FKBP6: variants seen among roughly 807,000 people sequenced by gnomAD.
FKBP6 encodes the protein inactive peptidyl-prolyl cis-trans isomerase FKBP6.
A neutral mutation model predicts 41.7 loss-of-function variants in FKBP6; 29 were observed. That is an observed-to-expected ratio of 0.70 (90% confidence interval 0.52 to 0.95). FKBP6 has a LOEUF of 0.95. Ranked by LOEUF, FKBP6 falls within the 40% of genes least tolerant of loss-of-function variation. The probability of loss-of-function intolerance (pLI) is 0.00; values close to 1 mark genes in which losing one functional copy is unlikely to be tolerated. For synonymous variants in FKBP6, 130 were observed against 165.1 expected (o/e 0.79, Z 1.63); for missense variants, 338 against 408.7 (o/e 0.83, Z 1.49).
rs141308177 is a variant in FKBP6, at chr7:73,346,066, A to G, written c.*2+3167A>G. On this transcript the variant is annotated intron_variant, in intron 8 of 8. Transcript: ENST00000252037. ...CCAAGGCACACAGCAGAGATGAAAT[A>G]TGACATCCTATACTTAGCATCAAAA... Among the ~76,000 whole-genome samples, 78 of 152,294 alleles carry G rather than the reference A, an allele frequency of 5.1e-4. 1 individual carries two copies. Among genetic ancestry groups the G allele is most frequent in the Admixed American group, 4.1e-3 (63 of 15,294 alleles).
intron 5 of FKBP6, among the ~76,000 whole-genome samples, chr7:73,334,968 A>T (rs1251106789): frequency 6.6e-6 from 1 of 152,142 alleles, no homozygotes; most frequent in Non-Finnish European, 1.5e-5. Flanking sequence ...GAGTTCTAGC[A>T]GCAGAAGGGA....
chr7:73,356,965 G>T (rs1296394837), intron 8 of FKBP6, among the ~76,000 whole-genome samples: 1 of 152,072 alleles, frequency 6.6e-6, no homozygotes, highest in Non-Finnish European at 1.5e-5. Context: ...ATTTTTAGTA[G>T]AAACGAGGTT....
chr7:73,335,128 C>T (rs1804963101), intron 5 of FKBP6, among the ~76,000 whole-genome samples: 1 of 140,714 alleles, frequency 7.1e-6, no homozygotes, highest in East Asian at 2.0e-4. Flanking sequence ...GTACGTGTTC[C>T]TGGCCAAAAA....
At chr7:73,347,138 T>G (rs1401704458) in intron 8 of FKBP6, among the ~76,000 whole-genome samples, 1 of 152,236 alleles carries the variant, frequency 6.6e-6, no homozygotes, top group South Asian at 2.1e-4. Context: ...ATAACATTTT[T>G]CTTCTAGGTT....
chr7:73,338,269 G>C (rs1458807717), intron 5 of FKBP6, among the ~76,000 whole-genome samples: 2 of 152,032 alleles, frequency 1.3e-5, no homozygotes, highest in Non-Finnish European at 2.9e-5. Context: ...CAGATGATCC[G>C]CCCACCTCAG....
chr7:73,329,253 T>C (rs1804750456), intron 2 of FKBP6, 107 bp from the exon 3 acceptor site: 1 of 809,366 alleles, frequency 1.2e-6, no homozygotes, highest in Admixed American at 1.7e-5. Context: ...GTCGGGCAGC[T>C]TAAGCTCATC....
rs554819767 is a variant in FKBP6 at position 73,344,005 on chromosome 7, A to C, written c.*2+1106A>C. 2.6e-5 allele frequency among the ~76,000 whole-genome samples: 4 copies of C among 152,334 alleles called. No individual in the cohort carries two copies. In the East Asian group the frequency reaches 7.7e-4, roughly 29 times the overall value. On this transcript the variant is annotated intron_variant, in intron 8 of 8. Coordinates refer to ENST00000252037, the MANE Select transcript of FKBP6 (RefSeq NM_003602.5). ...ACTTTCAGATGCGCCCACCAGCATCACAGGTAAATGTTGCCTTCGTCACTG... is the reference window on the plus strand; with the variant it reads ...ACTTTCAGATGCGCCCACCAGCATCCCAGGTAAATGTTGCCTTCGTCACTG...
chr7:73,329,632 C>T (rs1290126072), intron 3 of FKBP6, 183 bp downstream of exon 3: 22 of 638,774 alleles, frequency 3.4e-5, no homozygotes, highest in African/African-American at 2.0e-4. Flanking sequence ...GATGGCTTAA[C>T]GGGCAAGGTA....
chr7:73,330,078 G>C (rs1804787467), intron 3 of FKBP6, 72 bp from the exon 4 acceptor site: 2 of 1,138,350 alleles, frequency 1.8e-6, no homozygotes, highest in Non-Finnish European at 2.7e-6. Flanking sequence ...CTGACTTAGA[G>C]GGGGAAGAAA....
intron 5 of FKBP6, among the ~76,000 whole-genome samples, chr7:73,337,683 AT>A (rs1200716782): frequency 2.0e-5 from 3 of 150,082 alleles, no homozygotes; most frequent in Non-Finnish European, 3.0e-5. Context: ...GCCTTCATCC[AT>A]TTTTTTTTGT....
At position 73,331,674 on chromosome 7, in the gene FKBP6, T is replaced by C; in HGVS notation, c.486T>C (p.Phe162=). 1 of 1,613,712 alleles carries C rather than the reference T, an allele frequency of 6.2e-7. No individual in the cohort carries two copies. The highest frequency in any genetic ancestry group is 8.5e-7 in the Non-Finnish European group (1 of 1,179,590). Residue 162 remains phenylalanine, a synonymous_variant, in exon 5 of 9, where the codon TTT becomes TTC. Transcript: ENST00000252037. ...CALSAEQQDQ[F]PLQKVLKVAA... ...GTCCTCAGGAGCAGCAAGACCAATTTCCACTTCAGAAGGTCCTGAAAGTGG... is the reference window on the plus strand; with the variant it reads ...GTCCTCAGGAGCAGCAAGACCAATTCCCACTTCAGAAGGTCCTGAAAGTGG...
rs1554549354 is a variant in FKBP6 at position 73,340,767 on chromosome 7, T to C, written c.718T>C (p.Cys240Arg). 2 of 1,613,718 alleles carry C rather than the reference T, an allele frequency of 1.2e-6. No individual in the cohort carries two copies. Among genetic ancestry groups the C allele is most frequent in the East Asian group, 2.2e-5 (1 of 44,864 alleles). ...LKLDRPTIAL[C>R]YGEQALIIDQ... ...GCTAGACCGACCCACCATAGCCCTGTGCTATGGAGAGCAGGCTTTGATCAT... is the reference window on the plus strand; with the variant it reads ...GCTAGACCGACCCACCATAGCCCTGCGCTATGGAGAGCAGGCTTTGATCAT... The change falls in exon 6 of 9, where the codon TGC (cysteine) becomes CGC (arginine). Residue 240 changes from cysteine to arginine, a missense_variant. Physicochemically the swap from Cys to Arg is radical, Grantham distance 180. This residue lies in a region of FKBP6 where 239 missense variants were observed against 250.1 expected (regional missense o/e 0.96). Coordinates refer to ENST00000252037, the MANE Select transcript of FKBP6 (RefSeq NM_003602.5).
intron 8 of FKBP6, among the ~76,000 whole-genome samples, chr7:73,354,344 A>T (rs1805569817): frequency 6.6e-6 from 1 of 152,216 alleles, no homozygotes; most frequent in South Asian, 2.1e-4. Flanking sequence ...GGGTGGCTGC[A>T]GGAAGTGCAG....
At chr7:73,351,363 C>T (rs1554551110) in intron 8 of FKBP6, among the ~76,000 whole-genome samples, 1 of 152,154 alleles carries the variant, frequency 6.6e-6, no homozygotes, top group African/African-American at 2.4e-5. Context: ...CTTTCCTTCC[C>T]TATGCCTCTA....
Position 73,330,152 on chromosome 7 carries a change from A to G in FKBP6, c.268A>G (p.Ile90Val). ...ACCTTCTTTGTCCATTCTTACAGAT[A>G]TTACACTGTGGGGCATGGAGCTGGG... ...TPRLMKLGED[I>V]TLWGMELGLL... The change falls in exon 4 of 9, where the codon ATT (isoleucine) becomes GTT (valine). Residue 90 changes from isoleucine (I) to valine (V), a missense_variant and splice_region_variant. This residue lies in a region of FKBP6 where 99 missense variants were observed against 158.6 expected (regional missense o/e 0.62). Transcript: ENST00000252037. 1.2e-6 allele frequency: 2 copies of G among 1,612,672 alleles called. No individual in the cohort carries two copies. Among genetic ancestry groups the G allele is most frequent in the Admixed American group, 1.7e-5 (1 of 60,010 alleles).
intron 8 of FKBP6, among the ~76,000 whole-genome samples, chr7:73,355,861 T>C (rs1209742347): frequency 6.6e-6 from 1 of 151,836 alleles, no homozygotes; most frequent in Non-Finnish European, 1.5e-5. Flanking sequence ...GGTCAGGAGA[T>C]CGAGACCATC....
chr7:73,328,203 T>G lies in FKBP6; in HGVS notation c.-226T>G. On this transcript the variant is annotated 5_prime_UTR_variant, in exon 1 of 9. Transcript: ENST00000252037. Reference sequence around the variant, plus strand: ...CCCATTACGGATCATACCTCGCACCTCACCGCGTGGCCTCTGTAGTTCCAG... The same window carrying G: ...CCCATTACGGATCATACCTCGCACCGCACCGCGTGGCCTCTGTAGTTCCAG... The G allele has an allele frequency of 6.5e-7, 1 of 1,548,604 alleles. No individual in the cohort carries two copies. The highest frequency in any genetic ancestry group is 2.0e-5 in the Admixed American group (1 of 50,996).
intron 5 of FKBP6, among the ~76,000 whole-genome samples, chr7:73,335,133 CAAAAA>C (rs10651287): frequency 6.3e-5 from 5 of 79,380 alleles, no homozygotes; most frequent in Admixed American, 1.4e-4. Flanking sequence ...TGTTCCTGGC[CAAAAA>C]AAAAAAAAAA....
In FKBP6 at chr7:73,328,310, C is replaced by T. The variant is rs2115805619; in HGVS notation, c.-119C>T. 7 of 1,549,254 alleles carry T rather than the reference C, an allele frequency of 4.5e-6. No homozygotes were observed. The East Asian group carries it at 9.8e-5, about 22-fold the overall frequency. On this transcript the variant is annotated 5_prime_UTR_variant, in exon 1 of 9. Transcript: ENST00000252037. ...TCGTGGCCCCAGAATGGAATGCCGC[C>T]GTCGGTAGGGGTCTGCCGGGCATAA... is the stretch of plus-strand genomic sequence containing the variant.
Sources: gnomAD v4.1 joint callset for allele counts (sites outside exome capture counted in the v4.1 genomes callset) on GRCh38, gnomAD v4.1.1 for gene constraint, gnomAD v4.1.1 regional missense constraint, MANE v1.5 for transcripts, NCBI Gene and HGNC (gene_info 2026-07-23, HGNC 2026-07-21) for gene names.